PECR: variants seen among roughly 807,000 people sequenced by gnomAD.
The protein encoded by PECR is peroxisomal trans-2-enoyl-CoA reductase.
In PECR, 30 loss-of-function variants were observed where a neutral mutation model predicts 35.3. The observed-to-expected ratio is 0.85, with a 90% CI of 0.64 to 1.15. PECR has a LOEUF of 1.15. Ranked by LOEUF, PECR falls within the 50% of genes most tolerant of loss-of-function variation. PECR has a pLI of 0.00. For synonymous variants in PECR, 148 were observed against 138.9 expected (o/e 1.07, Z -0.46); for missense variants, 392 against 370.8 (o/e 1.06, Z -0.47).
chr2:216,058,610 G>C (rs780483364), intron 4 of PECR, among the ~76,000 whole-genome samples: 1 of 151,966 alleles, frequency 6.6e-6, no homozygotes, highest in Non-Finnish European at 1.5e-5. Flanking sequence ...ATCGGGATTA[G>C]AGTTGCCCAA....
chr2:216,057,232 C>T (rs1002446425), intron 4 of PECR, among the ~76,000 whole-genome samples: 2 of 152,152 alleles, frequency 1.3e-5, no homozygotes, highest in African/African-American at 4.8e-5. Context: ...ATGTTACTTA[C>T]TGCAGGTGTT....
chr2:216,041,538 G>T (rs1435363384), intron 7 of PECR, among the ~76,000 whole-genome samples: 1 of 152,132 alleles, frequency 6.6e-6, no homozygotes, highest in Non-Finnish European at 1.5e-5. Context: ...ACATATATTT[G>T]GTCTTCAACC....
In PECR at chr2:216,041,110, G is replaced by A. The variant is rs553144590; in HGVS notation, c.827-1750C>T. On this transcript the variant is annotated intron_variant, in intron 7 of 7. Transcript: ENST00000265322. ...GAAAGGCTGAATAATCTCATTATTC[G>A]GGGGGCAGTATATTCTTAAAAGATA... Among the ~76,000 whole-genome samples, 232 of 152,144 alleles carry A rather than the reference G, an allele frequency of 1.5e-3. 1 individual carries two copies. The highest frequency in any genetic ancestry group is 5.3e-3 in the African/African-American group (221 of 41,488).
chr2:216,045,273 C>T (rs11687587), intron 6 of PECR, among the ~76,000 whole-genome samples: 66,724 of 152,028 alleles, frequency 0.44, 16,206 homozygotes, highest in Non-Finnish European at 0.52. Flanking sequence ...TAGTACAGTG[C>T]TGCACTATCT....
At chr2:216,041,299 C>T (rs975110045) in intron 7 of PECR, among the ~76,000 whole-genome samples, 2 of 152,288 alleles carry the variant, frequency 1.3e-5, no homozygotes, top group East Asian at 3.9e-4. Flanking sequence ...GAAATAGTGA[C>T]TGAAGTCTAC....
chr2:216,055,465 AC>A (rs1695208203), intron 4 of PECR, among the ~76,000 whole-genome samples: 1 of 151,636 alleles, frequency 6.6e-6, no homozygotes, highest in Admixed American at 6.6e-5. Context: ...AAACAAAAAA[AC>A]AAACAAACAA....
At chr2:216,029,507 G>A (rs540479490) in intron 7 of PECR, among the ~76,000 whole-genome samples, 16 of 152,276 alleles carry the variant, frequency 1.1e-4, no homozygotes, top group Admixed American at 5.2e-4. Context: ...GAGTTAGGAC[G>A]ACAAAGGCAA....
At chr2:216,059,443 G>C (rs139181427) in intron 3 of PECR, among the ~76,000 whole-genome samples, 2 of 152,164 alleles carry the variant, frequency 1.3e-5, no homozygotes, top group Admixed American at 6.5e-5. Context: ...TTTGATTGCC[G>C]AGTAGTATTC....
At chr2:216,049,767 A>G (rs1177989352) in intron 5 of PECR, among the ~76,000 whole-genome samples, 2 of 152,248 alleles carry the variant, frequency 1.3e-5, no homozygotes, top group Admixed American at 6.5e-5. Flanking sequence ...TGGCTACGTG[A>G]GACTTAGAAA....
chr2:216,042,938 C>CAT (rs1244579254), intron 7 of PECR, among the ~76,000 whole-genome samples: 3 of 143,066 alleles, frequency 2.1e-5, no homozygotes, highest in African/African-American at 7.8e-5. Context: ...TATATATATA[C>CAT]ATACGTATAT....
chr2:216,048,043 G>C (rs1423740615), intron 6 of PECR, among the ~76,000 whole-genome samples: 1 of 144,284 alleles, frequency 6.9e-6, no homozygotes, highest in Non-Finnish European at 1.5e-5. Context: ...TTTTATTATT[G>C]TGGGAAAGAC....
rs765652648 is a variant in PECR at position 216,039,260 on chromosome 2, C to T, written c.*15G>A. ...TGAAGGCACTGGGGGATGGAGGACA[C>T]CTTGTTTCCTCAGCTCAGAGCTTAG... On this transcript the variant is annotated 3_prime_UTR_variant, in exon 8 of 8. Coordinates refer to ENST00000265322, the MANE Select transcript of PECR (RefSeq NM_018441.6). 1.4e-5 allele frequency: 21 copies of T among 1,463,676 alleles called. No individual in the cohort carries two copies. The East Asian group carries it at 4.3e-4, about 30-fold the overall frequency. 90.7% of individuals were successfully genotyped at this position (1,463,676 alleles called of 1,614,324 possible).
rs765314505 is a variant in PECR, at chr2:216,065,333, T to G, written c.403A>C (p.Thr135Pro). Residue 135 changes from threonine to proline, a missense_variant, in exon 3 of 8, where the codon ACC (threonine) becomes CCC (proline). Physicochemically the swap from Thr to Pro is conservative, Grantham distance 38 (BLOSUM62 -1). Transcript: ENST00000265322. ...HAVLETNLTG[T>P]FYMCKAVYSS... is the part of the protein sequence containing the mutation. ...TTGCCTGCTTTGCACATGTAGAAGG[T>G]ACCCGTCAGGTTGGTCTCAAGCACA... 5.0e-6 allele frequency: 8 copies of G among 1,611,830 alleles called. No individual in the cohort carries two copies. The South Asian group carries it at 8.8e-5, about 18-fold the overall frequency.
At chr2:216,057,412 T>C (rs959873590) in intron 4 of PECR, among the ~76,000 whole-genome samples, 9 of 152,132 alleles carry the variant, frequency 5.9e-5, no homozygotes. Flanking sequence ...CTCCAGGATA[T>C]TTGCTTCATT....
At position 216,081,761 on chromosome 2, in the gene PECR, A is replaced by G. The variant is rs778827314; in HGVS notation, c.-20T>C. 3 of 1,611,656 alleles carry G rather than the reference A, an allele frequency of 1.9e-6. No homozygotes were observed. The highest frequency in any genetic ancestry group is 2.2e-5 in the East Asian group (1 of 44,862). On this transcript the variant is annotated 5_prime_UTR_variant, in exon 1 of 8. Coordinates refer to ENST00000265322, the MANE Select transcript of PECR (RefSeq NM_018441.6). The stretch of plus-strand genomic sequence containing the variant: ...GGCCATCCCTGCAGCGGGGTGCCAG[A>G]GCAGCTGAGCGCAGGCCCTTCTGGG...
chr2:216,074,529 GAAGGAAGGAAGA>G lies in PECR; in HGVS notation c.124+7077_124+7088del, dbSNP rs1226777106. Among the ~76,000 whole-genome samples, 221 of 119,674 alleles carry G rather than the reference GAAGGAAGGAAGA, an allele frequency of 1.8e-3. 1 individual carries two copies. The highest frequency in any genetic ancestry group is 7.6e-3 in the African/African-American group (196 of 25,742). The allele number at this position is 119,674 out of a possible 152,430, so 78.5% of individuals were successfully genotyped here. ...GGAAGGAAGGAAGGAAGGAAGGAAGGAAGGAAGGAAGAAAGGAAGGAAGGAAGGAAGAGAGAG... is the reference window on the plus strand; with the variant it reads ...GGAAGGAAGGAAGGAAGGAAGGAAGGAAGGAAGGAAGGAAGGAAGAGAGAG... On this transcript the variant is annotated intron_variant, in intron 1 of 7. Transcript: ENST00000265322.
intron 7 of PECR, among the ~76,000 whole-genome samples, chr2:216,029,450 C>A (rs1694646667): frequency 7.2e-6 from 1 of 137,934 alleles, no homozygotes; most frequent in Non-Finnish European, 1.6e-5. Flanking sequence ...TGCACTCCGC[C>A]TGGCGAGAGA....
At chr2:216,047,536 C>T (rs908342299) in intron 6 of PECR, among the ~76,000 whole-genome samples, 3 of 152,186 alleles carry the variant, frequency 2.0e-5, no homozygotes, top group Non-Finnish European at 4.4e-5. Flanking sequence ...TGAAATGCTA[C>T]TTTGACTCCA....
Position 216,038,620 on chromosome 2 carries a change from G to GTT in PECR, c.*653_*654dup, listed in dbSNP as rs201304659. 1.3e-5 allele frequency: 2 copies of GTT among 151,444 alleles called. No homozygotes were observed. Among genetic ancestry groups the GTT allele is most frequent in the African/African-American group, 4.9e-5 (2 of 41,200 alleles). The allele number at this position is 151,444 out of a possible 1,614,324, so 9.4% of individuals were successfully genotyped here. The stretch of plus-strand genomic sequence containing the variant: ...GTTGTTGTTTGTTTTTGTTTTTTGG[G>GTT]TTTTTTTTGAGATGCAGTCTCACTC... On this transcript the variant is annotated 3_prime_UTR_variant, in exon 8 of 8. Transcript: ENST00000265322.
Sources: gnomAD v4.1 joint callset for allele counts (sites outside exome capture counted in the v4.1 genomes callset) on GRCh38, gnomAD v4.1.1 for gene constraint, MANE v1.5 for transcripts, NCBI Gene and HGNC (gene_info 2026-07-23, HGNC 2026-07-21) for gene names.